MYOF: variants seen among roughly 807,000 people sequenced by gnomAD.
MYOF encodes the protein myoferlin.
A neutral mutation model predicts 284.2 loss-of-function variants in MYOF; 244 were observed. The observed-to-expected ratio is 0.86, with a 90% CI of 0.77 to 0.95. MYOF has a LOEUF of 0.95. MYOF is among the 40% of genes least tolerant of loss of function. The pLI, the probability that MYOF is intolerant of heterozygous loss-of-function variation, is 0.00. For missense variants in MYOF, 2,496 were observed against 2,560.6 expected (o/e 0.97, Z 0.54); for synonymous variants, 904 against 919.7 (o/e 0.98, Z 0.31).
At chr10:93,407,018 T>C (rs1360946867) in intron 7 of MYOF, among the ~76,000 whole-genome samples, 2 of 152,076 alleles carry the variant, frequency 1.3e-5, no homozygotes, top group Non-Finnish European at 2.9e-5. Context: ...TCCCTAAATA[T>C]ATCATTTCTC....
intron 43 of MYOF, among the ~76,000 whole-genome samples, chr10:93,332,314 C>A (rs1245389327): frequency 6.6e-6 from 1 of 151,816 alleles, no homozygotes; most frequent in Non-Finnish European, 1.5e-5. Flanking sequence ...CCTCCACCTC[C>A]CAGGTTCAAG....
chr10:93,337,108 A>G (rs1244224069), intron 40 of MYOF, among the ~76,000 whole-genome samples: 1 of 150,342 alleles, frequency 6.7e-6, no homozygotes, highest in East Asian at 2.0e-4. Context: ...CTGAGAAGTT[A>G]TGACAATAAC....
chr10:93,452,023 T>G, intron 3 of MYOF, 27 bp downstream of exon 3: 3 of 1,502,916 alleles, frequency 2.0e-6, no homozygotes, highest in Non-Finnish European at 2.7e-6. Flanking sequence ...ATACCTAAAA[T>G]GAGAAAAACA....
chr10:93,396,032 G>A (rs751895169), intron 16 of MYOF, 110 bp downstream of exon 16: 1 of 708,754 alleles, frequency 1.4e-6, no homozygotes, highest in African/African-American at 1.8e-5. Flanking sequence ...ATCACATTTG[G>A]CTTCTAAGAA....
chr10:93,323,584 G>T, intron 46 of MYOF: 3 of 535,528 alleles, frequency 5.6e-6, no homozygotes, highest in South Asian at 2.6e-5. Flanking sequence ...GTCTCTGACG[G>T]CTGCACATGC....
intron 21 of MYOF, 130 bp from the exon 22 acceptor site, chr10:93,377,559 G>A (rs888546917): frequency 2.9e-6 from 2 of 685,548 alleles, no homozygotes; most frequent in Admixed American, 2.7e-5. Context: ...AATGAAACCA[G>A]CAAAGATAGG....
chr10:93,410,610 C>G (rs1167906006), intron 5 of MYOF, among the ~76,000 whole-genome samples: 1 of 152,158 alleles, frequency 6.6e-6, no homozygotes, highest in Non-Finnish European at 1.5e-5. Flanking sequence ...TGCCTACTAC[C>G]TCTCCTCTTT....
chr10:93,319,469 G>C (rs1364599810), intron 49 of MYOF, among the ~76,000 whole-genome samples: 2 of 152,188 alleles, frequency 1.3e-5, no homozygotes, highest in African/African-American at 4.8e-5. Flanking sequence ...AGGTAAAGCA[G>C]ATGTGGAAGT....
At chr10:93,399,189 T>C (rs2134077847) in intron 13 of MYOF, among the ~76,000 whole-genome samples, 1 of 152,294 alleles carries the variant, frequency 6.6e-6, no homozygotes, top group Non-Finnish European at 1.5e-5. Context: ...TTTTCTAATT[T>C]GTGTTCTGCA....
At chr10:93,342,282 A>G (rs1471670652) in intron 38 of MYOF, among the ~76,000 whole-genome samples, 1 of 152,190 alleles carries the variant, frequency 6.6e-6, no homozygotes, top group Non-Finnish European at 1.5e-5. Flanking sequence ...TACATTACAT[A>G]TACATGTAAT....
intron 4 of MYOF, among the ~76,000 whole-genome samples, chr10:93,428,884 GT>G (rs1200123560): frequency 6.6e-6 from 1 of 152,164 alleles, no homozygotes; most frequent in African/African-American, 2.4e-5. Context: ...TTGATCTGTG[GT>G]TTTCATGCTG....
intron 41 of MYOF, 129 bp from the exon 42 acceptor site, chr10:93,334,042 T>C (rs1417924173): frequency 3.6e-6 from 3 of 841,874 alleles, no homozygotes; most frequent in Admixed American, 2.9e-5. Flanking sequence ...AAAGAAATAA[T>C]GTATATTGCA....
intron 3 of MYOF, among the ~76,000 whole-genome samples, chr10:93,442,041 C>CAGAGAGAG (rs1554865125): frequency 2.8e-5 from 4 of 142,626 alleles, no homozygotes; most frequent in African/African-American, 5.2e-5. Context: ...CACACACACA[C>CAGAGAGAG]AGAATAAACC....
chr10:93,457,778 G>T (rs1469538083), intron 1 of MYOF, among the ~76,000 whole-genome samples: 1 of 148,518 alleles, frequency 6.7e-6, no homozygotes, highest in East Asian at 2.0e-4. Context: ...AGGTCGCCCA[G>T]GCTGGAGTAT....
At chr10:93,378,774 G>A (rs1019035657) in intron 21 of MYOF, among the ~76,000 whole-genome samples, 6 of 148,448 alleles carry the variant, frequency 4.0e-5, no homozygotes, top group Admixed American at 2.0e-4. Context: ...GTGCAATGGC[G>A]CCATCTTGGC....
At chr10:93,354,666 A>ACACTCTCTCTCTCTCTCTCT (rs1554844078) in intron 31 of MYOF, among the ~76,000 whole-genome samples, 5 of 119,236 alleles carry the variant, frequency 4.2e-5, no homozygotes, top group South Asian at 2.8e-4. Flanking sequence ...TCACACATTC[A>ACACTCTCTCTCTCTCTCTCT]CTCTCTCTCT....
chr10:93,481,969 C>A lies in MYOF; in HGVS notation c.88+138G>T, dbSNP rs752955580. Reference sequence around the variant, plus strand: ...CTTCCCCAGAAACGGGTCCTCTCCCCTGTCCTGCGCAGGTAACAAACGCTG... The same window carrying A: ...CTTCCCCAGAAACGGGTCCTCTCCCATGTCCTGCGCAGGTAACAAACGCTG... On this transcript the variant is annotated intron_variant, in intron 1 of 53. Coordinates refer to ENST00000359263, the MANE Select transcript of MYOF (RefSeq NM_013451.4). The A allele has an allele frequency of 6.5e-6, 5 of 766,794 alleles. No homozygotes were observed. In the African/African-American group the frequency reaches 8.8e-5, roughly 14 times the overall value. 47.5% of individuals were successfully genotyped at this position (766,794 alleles called of 1,614,324 possible). A position where few individuals can be genotyped will look rare whatever the true frequency, so the allele number is the denominator to read the frequency against.
chr10:93,320,357 C>T (rs1293556989), intron 48 of MYOF, among the ~76,000 whole-genome samples: 1 of 140,234 alleles, frequency 7.1e-6, no homozygotes, highest in Non-Finnish European at 1.5e-5. Flanking sequence ...GTCCTCACAA[C>T]TATAACTCAT....
At chr10:93,452,208 A>G (rs2056612320) in intron 2 of MYOF, 67 bp from the exon 3 acceptor site, 3 of 943,888 alleles carry the variant, frequency 3.2e-6, no homozygotes, top group Admixed American at 4.2e-5. Flanking sequence ...AGATTACACT[A>G]AGATGCACCA....
Sources: allele counts gnomAD v4.1 joint callset (sites outside exome capture counted in the v4.1 genomes callset), GRCh38; gene constraint gnomAD v4.1.1; transcripts MANE v1.5; gene names NCBI Gene and HGNC (gene_info 2026-07-23, HGNC 2026-07-21).